Variants in KLHL14 observed in about 807,000 individuals in gnomAD.
KLHL14 encodes the protein kelch like family member 14, also known as kelch-like protein 14.
A neutral mutation model predicts 64.3 loss-of-function variants in KLHL14; 22 were observed. That is an observed-to-expected ratio of 0.34 (90% CI 0.24 to 0.49). KLHL14 has a LOEUF of 0.49. Ranked by LOEUF, KLHL14 falls within the 20% of genes least tolerant of loss-of-function variation. KLHL14 has a pLI of 0.99. For missense variants in KLHL14, 661 were observed against 789.0 expected (o/e 0.84, Z 1.94); for synonymous variants, 322 against 333.4 (o/e 0.97, Z 0.37).
chr18:32,726,799 G>A (rs1281043820), intron 3 of KLHL14, among the ~76,000 whole-genome samples: 1 of 152,036 alleles, frequency 6.6e-6, no homozygotes, highest in Non-Finnish European at 1.5e-5. Context: ...GACCTCAGAT[G>A]GGGCTGCCAT....
At chr18:32,699,869 A>T (rs928295087) in intron 3 of KLHL14, among the ~76,000 whole-genome samples, 4 of 152,004 alleles carry the variant, frequency 2.6e-5, no homozygotes, top group Non-Finnish European at 5.9e-5. Flanking sequence ...TGTTTTATGG[A>T]GCCAGAAAAA....
chr18:32,719,323 C>T (rs2050063825), intron 3 of KLHL14, among the ~76,000 whole-genome samples: 1 of 152,162 alleles, frequency 6.6e-6, no homozygotes, highest in Non-Finnish European at 1.5e-5. Flanking sequence ...ATAAAACTGG[C>T]CATAGGAAAG....
At chr18:32,769,522 T>G (rs1461743325) in intron 2 of KLHL14, 123 bp downstream of exon 2, 9 of 864,680 alleles carry the variant, frequency 1.0e-5, no homozygotes, top group Non-Finnish European at 3.4e-6. Flanking sequence ...GCGTTTGTTT[T>G]CATCCTGCCA....
intron 7 of KLHL14, among the ~76,000 whole-genome samples, chr18:32,678,548 A>G (rs2049822351): frequency 6.6e-6 from 1 of 152,248 alleles, no homozygotes; most frequent in East Asian, 1.9e-4. Flanking sequence ...TTTGAAGCAT[A>G]TACACTTAGA....
At position 32,680,960 on chromosome 18, in the gene KLHL14, G is replaced by T. The variant is rs2049835822; in HGVS notation, c.1239-361C>A. On this transcript the variant is annotated intron_variant, in intron 5 of 8. Transcript: ENST00000359358. The surrounding 1 kb of genome is among the most constrained non-coding windows in gnomAD (Gnocchi z 4.8). ...TCTGTAAGGCAAAGTGAAAAATGAG[G>T]TAGATAATGTAACAATAATAAATTA... is the stretch of plus-strand genomic sequence containing the variant. Among the ~76,000 whole-genome samples the T allele has an allele frequency of 6.6e-6, 1 of 152,054 alleles. No homozygotes were observed. Among genetic ancestry groups the T allele is most frequent in the Admixed American group, 6.6e-5 (1 of 15,250 alleles).
At chr18:32,747,780 T>C (rs2050231045) in intron 2 of KLHL14, among the ~76,000 whole-genome samples, 1 of 152,228 alleles carries the variant, frequency 6.6e-6, no homozygotes, top group Non-Finnish European at 1.5e-5. Flanking sequence ...CCTGTTCAGC[T>C]TCTACTGATT....
chr18:32,715,722 C>T (rs1258843949), intron 3 of KLHL14, among the ~76,000 whole-genome samples: 1 of 152,088 alleles, frequency 6.6e-6, no homozygotes, highest in African/African-American at 2.4e-5. Flanking sequence ...TCAACATTAT[C>T]TTCTAATCTT....
chr18:32,717,682 C>T (rs774355193), intron 3 of KLHL14, among the ~76,000 whole-genome samples: 11 of 152,194 alleles, frequency 7.2e-5, no homozygotes, highest in African/African-American at 1.7e-4. Flanking sequence ...ACTCTTTTCT[C>T]GTCTGTCATA....
At chr18:32,750,460 C>T (rs1568082313) in intron 2 of KLHL14, among the ~76,000 whole-genome samples, 2 of 152,062 alleles carry the variant, frequency 1.3e-5, no homozygotes, top group Non-Finnish European at 2.9e-5. Context: ...TGCTTAGAAG[C>T]CTTGCAGATA....
At chr18:32,739,935 C>T (rs759673042) in intron 3 of KLHL14, among the ~76,000 whole-genome samples, 19 of 152,096 alleles carry the variant, frequency 1.2e-4, no homozygotes, top group Non-Finnish European at 2.8e-4. Context: ...ACAGTAATAG[C>T]AATAGTACCT....
Position 32,770,625 on chromosome 18 carries a change from C to T in KLHL14, c.-34G>A. The T allele has an allele frequency of 6.7e-7, 1 of 1,496,988 alleles. No individual in the cohort carries two copies. Among genetic ancestry groups the T allele is most frequent in the Non-Finnish European group, 8.9e-7 (1 of 1,124,452 alleles). The allele number at this position is 1,496,988 out of a possible 1,614,324, so 92.7% of individuals were successfully genotyped here. On this transcript the variant is annotated 5_prime_UTR_variant, in exon 2 of 9. Transcript: ENST00000359358. This position sits in a 1 kb window ranked among gnomAD's most constrained non-coding sequence, Gnocchi z 6.7. The stretch of plus-strand genomic sequence containing the variant: ...GACTCGGTGCACCTGGCTTTAAACC[C>T]TCCTCCAACCTGGCAGACAGGGGTG...
chr18:32,692,676 C>A (rs2049913296), intron 4 of KLHL14, among the ~76,000 whole-genome samples: 1 of 152,180 alleles, frequency 6.6e-6, no homozygotes, highest in Non-Finnish European at 1.5e-5. Context: ...TGTTACACAT[C>A]TAACCAAATA....
chr18:32,705,050 G>GA (rs1485268345), intron 3 of KLHL14, among the ~76,000 whole-genome samples: 1 of 152,196 alleles, frequency 6.6e-6, no homozygotes, highest in Admixed American at 6.5e-5. Flanking sequence ...TCATTACTGG[G>GA]AAAAGGCACA....
chr18:32,735,789 A>G (rs575819139), intron 3 of KLHL14, among the ~76,000 whole-genome samples: 27 of 152,242 alleles, frequency 1.8e-4, no homozygotes, highest in African/African-American at 5.8e-4. Context: ...ACATGGTGAT[A>G]TTTGTTTTGG....
intron 2 of KLHL14, among the ~76,000 whole-genome samples, chr18:32,762,557 T>C (rs779778067): frequency 3.0e-4 from 46 of 152,160 alleles, no homozygotes; most frequent in Non-Finnish European, 6.2e-4. Context: ...ACTTCTAGTG[T>C]TGCAAATAGT....
chr18:32,680,040 A>C lies in KLHL14; in HGVS notation c.1588+129T>G. 1 of 916,522 alleles carries C rather than the reference A, an allele frequency of 1.1e-6. No homozygotes were observed. The highest frequency in any genetic ancestry group is 1.6e-6 in the Non-Finnish European group (1 of 619,360). The allele number at this position is 916,522 out of a possible 1,614,324, so 56.8% of individuals were successfully genotyped here. A position where few individuals can be genotyped will look rare whatever the true frequency, so the allele number is the denominator to read the frequency against. ...TCAAGGGTACTGCCAATTTACACAG[A>C]GTAGATTTTATTAGGTCAACATGTT... is the stretch of plus-strand genomic sequence containing the variant. On this transcript the variant is annotated intron_variant, in intron 7 of 8. Transcript: ENST00000359358. The surrounding 1 kb of genome is among the most constrained non-coding windows in gnomAD (Gnocchi z 4.8).
chr18:32,752,108 C>G (rs2050256312), intron 2 of KLHL14, among the ~76,000 whole-genome samples: 1 of 152,094 alleles, frequency 6.6e-6, no homozygotes, highest in Non-Finnish European at 1.5e-5. Flanking sequence ...GGCTGGGCAA[C>G]AGAGTGAGAC....
At chr18:32,693,450 A>C (rs998368739) in intron 4 of KLHL14, among the ~76,000 whole-genome samples, 16 of 141,570 alleles carry the variant, frequency 1.1e-4, no homozygotes, top group Non-Finnish European at 1.7e-4. Context: ...AGAGAGAGAG[A>C]GCACTCCCAG....
At chr18:32,756,331 T>G (rs2050281524) in intron 2 of KLHL14, among the ~76,000 whole-genome samples, 2 of 152,118 alleles carry the variant, frequency 1.3e-5, no homozygotes, top group African/African-American at 4.8e-5. Context: ...GTCTTGAACT[T>G]CCAACCACCA....
Sources: gnomAD v4.1 joint callset for allele counts (sites outside exome capture counted in the v4.1 genomes callset) on GRCh38, gnomAD v4.1.1 for gene constraint, Gnocchi (gnomAD v3.1) non-coding constraint, MANE v1.5 for transcripts, NCBI Gene and HGNC (gene_info 2026-07-23, HGNC 2026-07-21) for gene names.